The following DPP10 variants were observed in gnomAD, a reference collection of about 807,000 sequenced individuals.
DPP10 encodes the protein inactive dipeptidyl peptidase 10.
DPP10 carries 33 observed loss-of-function variants against 120.9 expected under a neutral mutation model. The ratio of observed to expected loss-of-function variants is 0.27; its 90% CI spans 0.21 to 0.37. The LOEUF is 0.37. Ranked by LOEUF, DPP10 falls within the 10% of genes least tolerant of loss-of-function variation. The pLI, the probability that DPP10 is intolerant of heterozygous loss-of-function variation, is 1.00. For synonymous variants in DPP10, 337 were observed against 326.1 expected (o/e 1.03, Z -0.36); for missense variants, 816 against 942.8 (o/e 0.87, Z 1.76).
At chr2:114,511,605 T>C (rs1684153628) in intron 1 of DPP10, among the ~76,000 whole-genome samples, 1 of 152,186 alleles carries the variant, frequency 6.6e-6, no homozygotes. Context: ...GAGTTACACA[T>C]TTTCCAAGAT....
At chr2:115,130,748 CA>C (rs1237549392) in intron 1 of DPP10, among the ~76,000 whole-genome samples, 2 of 152,140 alleles carry the variant, frequency 1.3e-5, no homozygotes, top group Non-Finnish European at 1.5e-5. Context: ...CCACCTCTTC[CA>C]TTCTATATTC....
chr2:114,909,016 GTT>G (rs903053584), intron 1 of DPP10, among the ~76,000 whole-genome samples: 1 of 151,354 alleles, frequency 6.6e-6, no homozygotes, highest in African/African-American at 2.4e-5. Context: ...ATTTCTTAAA[GTT>G]TTTTTTCTTA....
intron 1 of DPP10, among the ~76,000 whole-genome samples, chr2:115,044,501 C>T (rs1471459661): frequency 2.0e-5 from 3 of 152,082 alleles, no homozygotes; most frequent in Non-Finnish European, 4.4e-5. Flanking sequence ...TCACCTAATG[C>T]TAACCAGATC....
At chr2:115,132,380 G>A (rs774212756) in intron 1 of DPP10, among the ~76,000 whole-genome samples, 9 of 152,214 alleles carry the variant, frequency 5.9e-5, no homozygotes, top group East Asian at 5.8e-4. Context: ...AGGCCTGGCC[G>A]CATTAATGGA....
intron 1 of DPP10, among the ~76,000 whole-genome samples, chr2:114,443,323 G>A (rs1677762628): frequency 6.6e-6 from 1 of 152,134 alleles, no homozygotes; most frequent in African/African-American, 2.4e-5. Flanking sequence ...ATTATAGTGA[G>A]AGAGGATGAA....
At chr2:114,952,921 T>C (rs1697904410) in intron 1 of DPP10, among the ~76,000 whole-genome samples, 1 of 151,942 alleles carries the variant, frequency 6.6e-6, no homozygotes, top group Non-Finnish European at 1.5e-5. Flanking sequence ...CCATTAGATA[T>C]AGCCTTTCTG....
At chr2:114,938,168 C>T (rs946460817) in intron 1 of DPP10, among the ~76,000 whole-genome samples, 3 of 152,160 alleles carry the variant, frequency 2.0e-5, no homozygotes, top group Admixed American at 1.3e-4. Flanking sequence ...TCCCAACTGT[C>T]GGTTTGTAAC....
chr2:114,519,929 G>A (rs1044249276), intron 1 of DPP10, among the ~76,000 whole-genome samples: 2 of 152,150 alleles, frequency 1.3e-5, no homozygotes, highest in Admixed American at 6.5e-5. Flanking sequence ...CATGTATTGC[G>A]ATGGGGTTGT....
At chr2:115,587,142 G>T (rs2082344853) in intron 5 of DPP10, among the ~76,000 whole-genome samples, 1 of 127,068 alleles carries the variant, frequency 7.9e-6, no homozygotes, top group East Asian at 2.5e-4. Context: ...AAGTCGCTCA[G>T]GCTGGAGTCC....
At chr2:115,481,600 G>A (rs1025915945) in intron 3 of DPP10, among the ~76,000 whole-genome samples, 2 of 151,936 alleles carry the variant, frequency 1.3e-5, no homozygotes, top group Admixed American at 1.3e-4. Flanking sequence ...CCTTGGTTCC[G>A]TCCAGCTCTA....
chr2:115,413,083 TGACCTAAG>T (rs551499950), intron 3 of DPP10, among the ~76,000 whole-genome samples: 95 of 152,286 alleles, frequency 6.2e-4, no homozygotes, highest in Middle Eastern at 6.8e-3. Flanking sequence ...TTGGGATTCT[TGACCTAAG>T]GACCACCCAG....
chr2:115,310,435 A>G (rs937742353), intron 2 of DPP10, among the ~76,000 whole-genome samples: 2 of 152,170 alleles, frequency 1.3e-5, no homozygotes, highest in Admixed American at 1.3e-4. Context: ...CGTGAGATAT[A>G]CCATCTTTGA....
intron 3 of DPP10, among the ~76,000 whole-genome samples, chr2:115,445,419 G>C (rs769552879): frequency 6.6e-6 from 1 of 152,150 alleles, no homozygotes; most frequent in African/African-American, 2.4e-5. Context: ...CTAGAGACTT[G>C]TTGAACAGTT....
At chr2:115,415,844 TA>T (rs2069353748) in intron 3 of DPP10, among the ~76,000 whole-genome samples, 1 of 120,068 alleles carries the variant, frequency 8.3e-6, no homozygotes, top group African/African-American at 3.8e-5. Flanking sequence ...TTTGCTTTTA[TA>T]TATATATATA....
At chr2:115,753,781 G>A (rs72951960) in intron 11 of DPP10, among the ~76,000 whole-genome samples, 3 of 152,062 alleles carry the variant, frequency 2.0e-5, no homozygotes, top group Non-Finnish European at 4.4e-5. Context: ...TTTGAAATCA[G>A]GTTATATTTC....
At chr2:115,174,616 T>C (rs778206819) in intron 1 of DPP10, among the ~76,000 whole-genome samples, 11 of 152,210 alleles carry the variant, frequency 7.2e-5, no homozygotes, top group Non-Finnish European at 1.6e-4. Flanking sequence ...TAAAATTCTA[T>C]AATCATATGT....
At chr2:114,582,731 A>T (rs533919840) in intron 1 of DPP10, among the ~76,000 whole-genome samples, 19 of 152,204 alleles carry the variant, frequency 1.2e-4, no homozygotes, top group African/African-American at 4.6e-4. Flanking sequence ...TGCCATCTGG[A>T]TGTCTCCTTT....
intron 5 of DPP10, among the ~76,000 whole-genome samples, chr2:115,582,090 G>A (rs1458591659): frequency 6.6e-6 from 1 of 152,142 alleles, no homozygotes; most frequent in Non-Finnish European, 1.5e-5. Flanking sequence ...GGGCAAGCGG[G>A]TGCCTTGCGA....
chr2:115,450,371 CTT>C (rs2073008166), intron 3 of DPP10, among the ~76,000 whole-genome samples: 1 of 151,992 alleles, frequency 6.6e-6, no homozygotes, highest in Non-Finnish European at 1.5e-5. Context: ...AAATTACTAA[CTT>C]GAACCAGCAT....
Sources: gnomAD v4.1 joint callset for allele counts (sites outside exome capture counted in the v4.1 genomes callset) on GRCh38, gnomAD v4.1.1 for gene constraint, MANE v1.5 for transcripts, NCBI Gene and HGNC (gene_info 2026-07-23, HGNC 2026-07-21) for gene names.